Variants in ANAPC11 observed in about 807,000 individuals in gnomAD.
ANAPC11 encodes the protein anaphase-promoting complex subunit 11.
In ANAPC11, 5 loss-of-function variants were observed where a neutral mutation model predicts 11.8. The ratio of observed to expected loss-of-function variants is 0.42; its 90% CI spans 0.22 to 0.89. The LOEUF is 0.89. ANAPC11 is among the 40% of genes least tolerant of loss of function. The pLI is 0.28. For missense variants in ANAPC11, 68 were observed against 112.9 expected, an observed-to-expected ratio of 0.60 and a Z score of 1.80; for synonymous variants, 45 against 41.0, an observed-to-expected ratio of 1.10 and a Z score of -0.38.
intron 2 of ANAPC11, 82 bp from the exon 3 acceptor site, chr17:81,894,385 C>T: frequency 1.4e-6 from 1 of 737,570 alleles, no homozygotes; most frequent in Non-Finnish European, 2.3e-6. Context: ...TGCACTGTGG[C>T]AGGCTTATAC....
chr17:81,893,971 T>C (rs2039644403), intron 2 of ANAPC11, among the ~76,000 whole-genome samples: 1 of 151,910 alleles, frequency 6.6e-6, no homozygotes, highest in Non-Finnish European at 1.5e-5. Flanking sequence ...TTACTTGTTA[T>C]TTGTTTTAAT....
Position 81,894,606 on chromosome 17 carries a change from T to C in ANAPC11, c.109+20T>C. On this transcript the variant is annotated intron_variant, in intron 3 of 3. Transcript: ENST00000344877. ...CTGACTGTGAGTGTCCCCTCCATGC[T>C]GTCTGAGCGGCCCCGACTGTGAGTG... 5 of 1,560,856 alleles carry C rather than the reference T, an allele frequency of 3.2e-6. No individual in the cohort carries two copies. The highest frequency in any genetic ancestry group is 4.4e-6 in the Non-Finnish European group (5 of 1,139,806).
chr17:81,891,375 G>A, upstream of ANAPC11: 2 of 1,141,172 alleles, frequency 1.8e-6, no homozygotes, highest in Non-Finnish European at 2.2e-6. Context: ...CGCGCCGCGG[G>A]CGATGGCCGG....
At position 81,899,982 on chromosome 17, in the gene ANAPC11, C is replaced by G. The variant is rs753694115; in HGVS notation, c.172C>G (p.His58Asp). The change falls in exon 4 of 4, where the codon CAT (histidine) becomes GAT (aspartate). Residue 58 changes from histidine to aspartate, a missense_variant. Coordinates refer to ENST00000344877, the MANE Select transcript of ANAPC11 (RefSeq NM_001002248.3). Reference protein sequence around the residue: ...WGQCSHCFHMHCILKWLHAQQ... With the variant: ...WGQCSHCFHMDCILKWLHAQQ... ...CCAGTGCTCCCACTGCTTCCACATG[C>G]ATTGCATCCTCAAGTGGCTGCACGC... is the stretch of plus-strand genomic sequence containing the variant. The G allele has an allele frequency of 1.2e-6, 2 of 1,613,026 alleles. No individual in the cohort carries two copies. The highest frequency in any genetic ancestry group is 1.3e-5 in the African/African-American group (1 of 74,960).
chr17:81,890,948 G>C, upstream of ANAPC11: 1 of 1,390,500 alleles, frequency 7.2e-7, no homozygotes, highest in South Asian at 1.3e-5. Flanking sequence ...GGCCGCCAGC[G>C]CTCCCTCCGG....
At chr17:81,899,154 T>C in intron 3 of ANAPC11, 2 of 1,362,004 alleles carry the variant, frequency 1.5e-6, no homozygotes, top group Non-Finnish European at 2.0e-6. Context: ...TGGCAGCAGC[T>C]GTTCCTCAGG....
chr17:81,899,233 CTG>C, intron 3 of ANAPC11: 1 of 1,609,338 alleles, frequency 6.2e-7, no homozygotes, highest in Non-Finnish European at 8.5e-7. Flanking sequence ...GCATCCCTCT[CTG>C]TGTCAGGTCC....
At chr17:81,890,951 C>T, upstream of ANAPC11, 2 of 1,379,550 alleles carry the variant, frequency 1.4e-6, no homozygotes, top group Non-Finnish European at 2.0e-6. Flanking sequence ...CGCCAGCGCT[C>T]CCTCCGGCGC....
At chr17:81,898,603 T>C (rs2039822508) in intron 3 of ANAPC11, 1 of 152,490 alleles carries the variant, frequency 6.6e-6, no homozygotes, top group Non-Finnish European at 1.5e-5. Context: ...CAGGTTTCTT[T>C]TGCTAAAATT....
chr17:81,891,774 C>A lies in ANAPC11; in HGVS notation c.-142C>A. On this transcript the variant is annotated 5_prime_UTR_variant, in exon 1 of 4. Coordinates refer to ENST00000344877, the MANE Select transcript of ANAPC11 (RefSeq NM_001002248.3). Reference sequence around the variant, plus strand: ...GGGCGCTGTTGAGGGAGTCGGGCCGCGACTGTGGTCGTTTTTATACCTTCC... The same window carrying A: ...GGGCGCTGTTGAGGGAGTCGGGCCGAGACTGTGGTCGTTTTTATACCTTCC... 3.0e-6 allele frequency: 1 copy of A among 328,876 alleles called. No individual in the cohort carries two copies. Among genetic ancestry groups the A allele is most frequent in the Non-Finnish European group, 5.2e-6 (1 of 192,706 alleles). 20.4% of individuals were successfully genotyped at this position (328,876 alleles called of 1,614,324 possible).
chr17:81,890,858 C>T (rs1244824140), upstream of ANAPC11: 5 of 1,613,826 alleles, frequency 3.1e-6, no homozygotes, highest in East Asian at 6.7e-5. Flanking sequence ...ATCTGTGAGT[C>T]TCAGTCCAGG....
rs760002984 is a variant in ANAPC11 at position 81,899,933 on chromosome 17, C to T, written c.123C>T (p.Gly41=). The T allele has an allele frequency of 1.2e-5, 20 of 1,608,908 alleles. No homozygotes were observed. Among genetic ancestry groups the T allele is most frequent in the East Asian group, 4.5e-5 (2 of 44,766 alleles). The change falls in exon 4 of 4, where the codon GGC becomes GGT. Residue 41 remains glycine (G), a synonymous_variant. Coordinates refer to ENST00000344877, the MANE Select transcript of ANAPC11 (RefSeq NM_001002248.3). Reference sequence around the variant, plus strand: ...TCCCCTCCGTAGGCAAGGTGCCCGGCGACGACTGCCCGCTGGTGTGGGGCC... The same window carrying T: ...TCCCCTCCGTAGGCAAGGTGCCCGGTGACGACTGCCCGCTGGTGTGGGGCC... The part of the protein sequence containing the change: ...NGCCPDCKVP[G]DDCPLVWGQC...
chr17:81,900,473 G>A, downstream of ANAPC11: 1 of 248,498 alleles, frequency 4.0e-6, no homozygotes, highest in South Asian at 4.2e-5. Context: ...GGCGGCCCTG[G>A]GACCCTCCCT....
chr17:81,894,440 CCA>C, intron 2 of ANAPC11, 25 bp from the exon 3 acceptor site: 4 of 1,409,540 alleles, frequency 2.8e-6, no homozygotes, highest in Non-Finnish European at 4.0e-6. Context: ...CTCAATTTAG[CCA>C]GTCGTCCTGT....
At chr17:81,895,232 T>C (rs1193990789) in intron 3 of ANAPC11, among the ~76,000 whole-genome samples, 1 of 152,046 alleles carries the variant, frequency 6.6e-6, no homozygotes, top group Non-Finnish European at 1.5e-5. Flanking sequence ...TTTTGTATTT[T>C]TTAGTAGAGA....
At chr17:81,890,956 C>T, upstream of ANAPC11, 2 of 1,352,738 alleles carry the variant, frequency 1.5e-6, no homozygotes, top group Non-Finnish European at 2.0e-6. Flanking sequence ...GCGCTCCCTC[C>T]GGCGCTGCAG....
chr17:81,899,863 A>G, intron 3 of ANAPC11, 57 bp from the exon 4 acceptor site: 1 of 1,551,596 alleles, frequency 6.4e-7, no homozygotes, highest in Admixed American at 1.8e-5. Context: ...CTGGCTTGTC[A>G]CATGCTCTGT....
intron 3 of ANAPC11, chr17:81,898,445 A>T (rs1210613949): frequency 6.6e-6 from 1 of 152,280 alleles, no homozygotes; most frequent in Non-Finnish European, 1.5e-5. Context: ...CAGTGTGCTC[A>T]GGCTTTGTTA....
In ANAPC11 at chr17:81,900,237, T is replaced by C. The variant is rs1008037363; in HGVS notation, c.*172T>C. On this transcript the variant is annotated 3_prime_UTR_variant, in exon 4 of 4. Transcript: ENST00000344877. Reference sequence around the variant, plus strand: ...CTTTTATCCAATAAGTGAAAACTCATTAAACTACTCAAATCTTGCTGGAGG... The same window carrying C: ...CTTTTATCCAATAAGTGAAAACTCACTAAACTACTCAAATCTTGCTGGAGG... 3.2e-5 allele frequency: 34 copies of C among 1,057,976 alleles called. No individual in the cohort carries two copies. Among genetic ancestry groups the C allele is most frequent in the Non-Finnish European group, 4.0e-5 (30 of 743,408 alleles). The allele number at this position is 1,057,976 out of a possible 1,614,324, so 65.5% of individuals were successfully genotyped here.
Sources: gnomAD v4.1 joint callset for allele counts (sites outside exome capture counted in the v4.1 genomes callset) on GRCh38, gnomAD v4.1.1 for gene constraint, MANE v1.5 for transcripts, NCBI Gene and HGNC (gene_info 2026-07-23, HGNC 2026-07-21) for gene names.